Variants in NBEA observed in about 807,000 individuals in gnomAD.
NBEA encodes the protein neurobeachin, also known as lysosomal-trafficking regulator 2.
Under a neutral mutation model 343.4 loss-of-function variants are expected in NBEA, and 44 were observed. That is an observed-to-expected ratio of 0.13 (90% CI 0.10 to 0.16). The LOEUF (loss-of-function observed/expected upper bound fraction) is 0.16, where lower values mean the gene tolerates loss of function less well. NBEA is among the 10% of genes least tolerant of loss of function. NBEA has a pLI of 1.00. For missense variants in NBEA, 2,555 were observed against 3,631.3 expected, an observed-to-expected ratio of 0.70 and a Z score of 7.62; for synonymous variants, 1,175 against 1,238.7, an observed-to-expected ratio of 0.95 and a Z score of 1.08.
chr13:35,111,757 G>C (rs542695549), intron 13 of NBEA, among the ~76,000 whole-genome samples: 84 of 151,876 alleles, frequency 5.5e-4, no homozygotes, highest in African/African-American at 2.0e-3. Context: ...ACTGAGAAAG[G>C]GGCTAATGAC....
intron 34 of NBEA, among the ~76,000 whole-genome samples, chr13:35,276,192 G>A (rs950164990): frequency 1.3e-5 from 2 of 152,052 alleles, no homozygotes; most frequent in African/African-American, 4.8e-5. Flanking sequence ...AGCACATATG[G>A]CCTGTGTTGT....
chr13:35,663,060 C>T (rs1455422150), intron 55 of NBEA, among the ~76,000 whole-genome samples: 2 of 152,122 alleles, frequency 1.3e-5, no homozygotes, highest in African/African-American at 4.8e-5. Flanking sequence ...GTGTAATGAT[C>T]AAATTGGGGT....
At chr13:35,113,301 T>C (rs1250448763) in intron 13 of NBEA, among the ~76,000 whole-genome samples, 1 of 152,190 alleles carries the variant, frequency 6.6e-6, no homozygotes, top group Non-Finnish European at 1.5e-5. Flanking sequence ...GTTGTCCTTT[T>C]ACAAGTGATG....
chr13:35,109,820 T>G (rs1362296194), intron 12 of NBEA, among the ~76,000 whole-genome samples: 1 of 151,956 alleles, frequency 6.6e-6, no homozygotes, highest in Non-Finnish European at 1.5e-5. Context: ...TATCATGACA[T>G]GTAAATAATA....
chr13:35,665,057 G>A (rs1403190071), intron 55 of NBEA, 28 bp from the exon 56 acceptor site: 3 of 1,488,038 alleles, frequency 2.0e-6, no homozygotes, highest in Non-Finnish European at 2.8e-6. Flanking sequence ...TTGGTCTGTA[G>A]TGCCTCACTG....
intron 46 of NBEA, among the ~76,000 whole-genome samples, chr13:35,584,443 C>T (rs560480301): frequency 9.9e-5 from 15 of 151,538 alleles, no homozygotes; most frequent in African/African-American, 2.7e-4. Flanking sequence ...CTCAGCCTCC[C>T]GAGTAACTAG....
intron 38 of NBEA, among the ~76,000 whole-genome samples, chr13:35,427,451 A>C (rs1251771255): frequency 6.6e-6 from 1 of 152,136 alleles, no homozygotes; most frequent in Non-Finnish European, 1.5e-5. Flanking sequence ...AACAGCAGAT[A>C]TTGGTGAACT....
intron 34 of NBEA, among the ~76,000 whole-genome samples, chr13:35,265,413 G>A (rs1195888895): frequency 6.6e-6 from 1 of 151,602 alleles, no homozygotes; most frequent in Non-Finnish European, 1.5e-5. Context: ...AATAGCCAAA[G>A]TAATCTTGAG....
At chr13:35,045,215 A>C (rs2062805185) in intron 3 of NBEA, 91 bp from the exon 4 acceptor site, 1 of 1,232,440 alleles carries the variant, frequency 8.1e-7, no homozygotes, top group Admixed American at 2.7e-5. Flanking sequence ...TTTTCTCTCT[A>C]GTTAGAAAAC....
intron 38 of NBEA, among the ~76,000 whole-genome samples, chr13:35,368,691 A>G (rs2152881177): frequency 6.6e-6 from 1 of 151,734 alleles, no homozygotes; most frequent in East Asian, 1.9e-4. Flanking sequence ...TTAACATTTA[A>G]CAAGACTATT....
At chr13:35,334,343 C>T (rs777928936) in intron 36 of NBEA, among the ~76,000 whole-genome samples, 26 of 152,268 alleles carry the variant, frequency 1.7e-4, no homozygotes, top group Non-Finnish European at 3.4e-4. Context: ...GATCTTAGCT[C>T]ACTGCACCCT....
chr13:35,213,939 T>C (rs1173962086), intron 33 of NBEA, among the ~76,000 whole-genome samples: 1 of 151,986 alleles, frequency 6.6e-6, no homozygotes, highest in African/African-American at 2.4e-5. Context: ...ACTGAAGTGC[T>C]TTTTAACATT....
At chr13:35,110,659 T>C in intron 12 of NBEA, 151 bp from the exon 13 acceptor site, 1 of 445,838 alleles carries the variant, frequency 2.2e-6, no homozygotes, top group Non-Finnish European at 3.8e-6. Context: ...ATATAAATAA[T>C]ATTGAAGAAG....
In NBEA at chr13:35,564,578, CTTTTA is replaced by C. The variant is rs557223039; in HGVS notation, c.6923-2321_6923-2317del. Among the ~76,000 whole-genome samples, 109 of 152,228 alleles carry C rather than the reference CTTTTA, an allele frequency of 7.2e-4. 1 individual carries two copies. Among genetic ancestry groups the C allele is most frequent in the African/African-American group, 2.4e-3 (99 of 41,550 alleles). ...AATTTTCAAGTTTAGAATTGTACAG[CTTTTA>C]TTTTACAATATTGGTACTGTTTTAG... On this transcript the variant is annotated intron_variant, in intron 44 of 58. Transcript: ENST00000379939.
At chr13:35,275,710 T>A (rs994020057) in intron 34 of NBEA, among the ~76,000 whole-genome samples, 3 of 152,110 alleles carry the variant, frequency 2.0e-5, no homozygotes, top group African/African-American at 7.2e-5. Context: ...CAACAGACAT[T>A]TCTCAAAAGA....
chr13:35,664,575 A>G (rs1246373672), intron 55 of NBEA, among the ~76,000 whole-genome samples: 1 of 152,252 alleles, frequency 6.6e-6, no homozygotes, highest in Non-Finnish European at 1.5e-5. Context: ...CTTCTGGGAT[A>G]TAATTCAGCT....
At chr13:35,256,641 C>T (rs1293590644) in intron 34 of NBEA, among the ~76,000 whole-genome samples, 1 of 152,220 alleles carries the variant, frequency 6.6e-6, no homozygotes, top group African/African-American at 2.4e-5. Context: ...ATCCTCAGTA[C>T]CCTCTCAGCC....
chr13:35,174,433 AATATTGAT>A (rs1306583679), intron 27 of NBEA, among the ~76,000 whole-genome samples: 2 of 152,132 alleles, frequency 1.3e-5, no homozygotes, highest in Non-Finnish European at 2.9e-5. Flanking sequence ...TTACATGTTT[AATATTGAT>A]ACAGTAACTT....
At chr13:35,220,929 T>G (rs1220493651) in intron 33 of NBEA, among the ~76,000 whole-genome samples, 2 of 152,184 alleles carry the variant, frequency 1.3e-5, no homozygotes, top group African/African-American at 4.8e-5. Context: ...TCAGTGATTT[T>G]GAGTATTTTC....
Sources: allele counts gnomAD v4.1 joint callset (sites outside exome capture counted in the v4.1 genomes callset), GRCh38; gene constraint gnomAD v4.1.1; transcripts MANE v1.5; gene names NCBI Gene and HGNC (gene_info 2026-07-23, HGNC 2026-07-21).